Variants in WWOX observed in about 807,000 individuals in gnomAD.
WWOX encodes the protein WW domain-containing oxidoreductase.
In WWOX, 69 loss-of-function variants were observed where a neutral mutation model predicts 46.2. The observed-to-expected ratio is 1.49, with a 90% CI of 1.23 to 1.82. The LOEUF (loss-of-function observed/expected upper bound fraction) is 1.82. WWOX is among the 40% of genes most tolerant of loss of function. WWOX has a pLI of 0.00. For synonymous variants in WWOX, 359 were observed against 202.6 expected, an observed-to-expected ratio of 1.77 and a Z score of -6.56; for missense variants, 919 against 542.6, an observed-to-expected ratio of 1.69 and a Z score of -6.89.
chr16:78,448,012 C>G (rs2083601373), intron 8 of WWOX, among the ~76,000 whole-genome samples: 1 of 152,046 alleles, frequency 6.6e-6, no homozygotes, highest in Non-Finnish European at 1.5e-5. Context: ...CCATACTGGC[C>G]CAGCTGGTCT....
intron 5 of WWOX, among the ~76,000 whole-genome samples, chr16:78,305,449 A>C (rs2080116723): frequency 1.3e-5 from 2 of 152,122 alleles, no homozygotes; most frequent in South Asian, 4.1e-4. Flanking sequence ...AAGCATAGAC[A>C]ATGTGGAGGA....
At chr16:78,393,775 C>T (rs376224269) in intron 6 of WWOX, among the ~76,000 whole-genome samples, 88 of 151,532 alleles carry the variant, frequency 5.8e-4, no homozygotes, top group Admixed American at 2.3e-3. Flanking sequence ...TTTCTGTCAC[C>T]GGTATAATTT....
intron 8 of WWOX, among the ~76,000 whole-genome samples, chr16:78,982,930 C>G (rs1393454871): frequency 6.6e-6 from 1 of 151,992 alleles, no homozygotes. Flanking sequence ...ATAAAATTAC[C>G]CTGAGCAGAT....
At chr16:79,015,324 G>A (rs898302166) in intron 8 of WWOX, among the ~76,000 whole-genome samples, 2 of 152,164 alleles carry the variant, frequency 1.3e-5, no homozygotes, top group African/African-American at 2.4e-5. Context: ...CAGAATTCCA[G>A]TGCCACCATG....
intron 8 of WWOX, among the ~76,000 whole-genome samples, chr16:78,904,236 T>C (rs892856866): frequency 2.4e-5 from 1 of 41,626 alleles, no homozygotes; most frequent in African/African-American, 7.1e-5. Context: ...ATAAATGCCT[T>C]TTTTTTTTTT....
intron 5 of WWOX, among the ~76,000 whole-genome samples, chr16:78,335,308 T>G (rs1194547971): frequency 6.6e-6 from 1 of 152,168 alleles, no homozygotes; most frequent in African/African-American, 2.4e-5. Context: ...CAGTGTGTGT[T>G]ATCCGCCTCC....
chr16:78,658,368 G>C (rs1020421976), intron 8 of WWOX, among the ~76,000 whole-genome samples: 1 of 152,156 alleles, frequency 6.6e-6, no homozygotes, highest in Non-Finnish European at 1.5e-5. Flanking sequence ...CTAAACACTT[G>C]CCATGTAGTC....
At chr16:78,246,087 C>T (rs1220061103) in intron 5 of WWOX, among the ~76,000 whole-genome samples, 1 of 152,110 alleles carries the variant, frequency 6.6e-6, no homozygotes, top group Non-Finnish European at 1.5e-5. Flanking sequence ...GCAGATCATC[C>T]CGCTCCCCAC....
chr16:78,802,620 A>C (rs887561095), intron 8 of WWOX, among the ~76,000 whole-genome samples: 2 of 152,090 alleles, frequency 1.3e-5, no homozygotes, highest in African/African-American at 2.4e-5. Flanking sequence ...AAAGTAATGC[A>C]TTAATGGTTG....
rs1053140194 is a variant in WWOX at position 78,350,421 on chromosome 16, G to C, written c.517-36439G>C. On this transcript the variant is annotated intron_variant, in intron 5 of 8. Coordinates refer to ENST00000566780, the MANE Select transcript of WWOX (RefSeq NM_016373.4). ...TTCATTTTCCCAAAAAGAAACCCTTGACTGGCATCCTTTTCCCCACTTCCT... is the reference window on the plus strand; with the variant it reads ...TTCATTTTCCCAAAAAGAAACCCTTCACTGGCATCCTTTTCCCCACTTCCT... 5.0e-5 allele frequency among the ~76,000 whole-genome samples: 6 copies of C among 120,716 alleles called. 2 individuals are homozygous for C. The allele number at this position is 120,716 out of a possible 152,430, so 79.2% of individuals were successfully genotyped here.
intron 3 of WWOX, chr16:78,111,705 C>G (rs11150042): frequency 6.5e-6 from 1 of 154,898 alleles, no homozygotes; most frequent in East Asian, 1.9e-4. Flanking sequence ...TCAATGGTCA[C>G]GTACGTTGTC....
chr16:78,481,981 T>A (rs1338053383), intron 8 of WWOX, among the ~76,000 whole-genome samples: 1 of 152,172 alleles, frequency 6.6e-6, no homozygotes, highest in African/African-American at 2.4e-5. Context: ...CCTAGCTGTC[T>A]GCATTTCTGA....
intron 8 of WWOX, among the ~76,000 whole-genome samples, chr16:78,587,489 C>T (rs542324686): frequency 3.3e-5 from 5 of 152,166 alleles, no homozygotes; most frequent in Non-Finnish European, 7.3e-5. Flanking sequence ...GTGCATGAAT[C>T]TTTCAAGATA....
At chr16:79,002,245 T>C (rs377415689) in intron 8 of WWOX, among the ~76,000 whole-genome samples, 214 of 100,142 alleles carry the variant, frequency 2.1e-3, no homozygotes, top group African/African-American at 8.0e-3. Context: ...TTTTTTGAGA[T>C]GGAGTTTCAC....
At chr16:78,763,735 T>A (rs2049852275) in intron 8 of WWOX, among the ~76,000 whole-genome samples, 1 of 152,198 alleles carries the variant, frequency 6.6e-6, no homozygotes, top group African/African-American at 2.4e-5. Context: ...TTGTCTCAAT[T>A]CCTTTTGATT....
At chr16:78,682,057 CTG>C (rs2047742913) in intron 8 of WWOX, among the ~76,000 whole-genome samples, 1 of 152,186 alleles carries the variant, frequency 6.6e-6, no homozygotes, top group South Asian at 2.1e-4. Flanking sequence ...CTCCAAATGA[CTG>C]TGACGACTGA....
At chr16:78,533,084 C>G (rs1375003654) in intron 8 of WWOX, among the ~76,000 whole-genome samples, 6 of 152,094 alleles carry the variant, frequency 3.9e-5, no homozygotes, top group Non-Finnish European at 5.9e-5. Context: ...GTATCCTAGC[C>G]TCAGTTCCTT....
intron 8 of WWOX, among the ~76,000 whole-genome samples, chr16:78,804,163 A>G (rs771439573): frequency 2.0e-5 from 3 of 152,078 alleles, no homozygotes; most frequent in Admixed American, 6.6e-5. Flanking sequence ...ACTTTTTAAT[A>G]AGGGCTGGGG....
intron 8 of WWOX, among the ~76,000 whole-genome samples, chr16:79,068,294 G>C (rs2048479373): frequency 6.6e-6 from 1 of 152,162 alleles, no homozygotes; most frequent in African/African-American, 2.4e-5. Flanking sequence ...CTCATGTAAA[G>C]CCTGTAACCA....
Sources: allele counts gnomAD v4.1 joint callset (sites outside exome capture counted in the v4.1 genomes callset), GRCh38; gene constraint gnomAD v4.1.1; transcripts MANE v1.5; gene names NCBI Gene and HGNC (gene_info 2026-07-23, HGNC 2026-07-21).